TNFAIP8: variants seen among roughly 807,000 people sequenced by gnomAD.
TNFAIP8 encodes TNF alpha induced protein 8.
In TNFAIP8, 7 loss-of-function variants were observed where a neutral mutation model predicts 13.3. The observed-to-expected ratio is 0.52, with a 90% CI of 0.30 to 0.99. The LOEUF is 0.99. Ranked by LOEUF, TNFAIP8 falls within the 50% of genes least tolerant of loss-of-function variation. The pLI, the probability that TNFAIP8 is intolerant of heterozygous loss-of-function variation, is 0.07. For missense variants in TNFAIP8, 258 were observed against 236.9 expected (o/e 1.09, Z -0.58); for synonymous variants, 94 against 87.6 (o/e 1.07, Z -0.41).
At chr5:119,359,787 G>C (rs1350180914) in intron 1 of TNFAIP8, among the ~76,000 whole-genome samples, 2 of 152,230 alleles carry the variant, frequency 1.3e-5, no homozygotes, top group African/African-American at 4.8e-5. Context: ...GAGAAAAGGA[G>C]GTTAAAGCAG....
At chr5:119,385,312 C>G (rs750046605) in intron 1 of TNFAIP8, among the ~76,000 whole-genome samples, 4 of 152,204 alleles carry the variant, frequency 2.6e-5, no homozygotes, top group African/African-American at 9.6e-5. Context: ...TGTTGGATCT[C>G]TGGTTCTCTG....
At position 119,368,112 on chromosome 5, in the gene TNFAIP8, A is replaced by C. The variant is rs975052979; in HGVS notation, c.31+11991A>C. ...AAAGTAGCAAGTGTGTGCCAGGTAC[A>C]CTACATGACTTCTCTTCTTGAATCT... On this transcript the variant is annotated intron_variant, in intron 1 of 1. Transcript: ENST00000504771. Among the ~76,000 whole-genome samples, 4 of 152,206 alleles carry C rather than the reference A, an allele frequency of 2.6e-5. No homozygotes were observed. The East Asian group carries it at 7.7e-4, about 29-fold the overall frequency.
At chr5:119,324,152 A>G (rs985585252) in intron 1 of TNFAIP8, among the ~76,000 whole-genome samples, 2 of 151,602 alleles carry the variant, frequency 1.3e-5, no homozygotes, top group African/African-American at 2.4e-5. Context: ...GCCAGTGTCT[A>G]TAATCCCAGC....
intron 1 of TNFAIP8, among the ~76,000 whole-genome samples, chr5:119,330,543 T>C (rs1347262771): frequency 6.6e-6 from 1 of 152,092 alleles, no homozygotes; most frequent in Non-Finnish European, 1.5e-5. Flanking sequence ...TGGCCTCTCC[T>C]CTCAGCCCTG....
intron 1 of TNFAIP8, among the ~76,000 whole-genome samples, chr5:119,276,179 G>A (rs1204394538): frequency 6.6e-6 from 1 of 151,070 alleles, no homozygotes; most frequent in Admixed American, 6.6e-5. Context: ...GTGCAGTGGT[G>A]CAAACTTGGC....
intron 1 of TNFAIP8, among the ~76,000 whole-genome samples, chr5:119,275,302 C>T (rs1748406514): frequency 6.6e-6 from 1 of 152,178 alleles, no homozygotes; most frequent in South Asian, 2.1e-4. Context: ...ATTGGAGAGT[C>T]TGCCCAGTGT....
rs1265305984 is a variant in TNFAIP8 at position 119,398,911 on chromosome 5, G to T, written c.*5530G>T. 1 of 152,196 alleles carries T rather than the reference G, an allele frequency of 6.6e-6. No individual in the cohort carries two copies. The highest frequency in any genetic ancestry group is 6.5e-5 in the Admixed American group (1 of 15,280). The allele number at this position is 152,196 out of a possible 1,614,324, so 9.4% of individuals were successfully genotyped here. On this transcript the variant is annotated 3_prime_UTR_variant, in exon 2 of 2. Coordinates refer to ENST00000504771, the MANE Select transcript of TNFAIP8 (RefSeq NM_014350.4). ...GACCACTTAGCCATTTAAATGATTT[G>T]TCAGCATCTTTTGCTGCTCTCTTCT...
At chr5:119,299,337 C>T (rs1457746931) in intron 1 of TNFAIP8, among the ~76,000 whole-genome samples, 2 of 152,188 alleles carry the variant, frequency 1.3e-5, no homozygotes, top group African/African-American at 4.8e-5. Context: ...TCAGGACCCT[C>T]AGCTGCAGGT....
At chr5:119,273,364 T>G (rs1021359833) in intron 1 of TNFAIP8, among the ~76,000 whole-genome samples, 1 of 152,222 alleles carries the variant, frequency 6.6e-6, no homozygotes, top group Non-Finnish European at 1.5e-5. Flanking sequence ...TAGTAACTTG[T>G]GTCATATGTG....
At chr5:119,384,885 T>G (rs894281579) in intron 1 of TNFAIP8, among the ~76,000 whole-genome samples, 2 of 152,134 alleles carry the variant, frequency 1.3e-5, no homozygotes, top group Non-Finnish European at 2.9e-5. Flanking sequence ...GGGTCTGATA[T>G]GAAGTTAGAG....
chr5:119,295,235 ATAGGTCTAACGTTTAGTCT>A, intron 1 of TNFAIP8, among the ~76,000 whole-genome samples: 1 of 47,266 alleles, frequency 2.1e-5, no homozygotes, highest in Non-Finnish European at 3.8e-5. Flanking sequence ...CGTTAGACCT[ATAGGTCTAACGTTTAGTCT>A]AACGTTAGAC....
At chr5:119,278,721 C>T (rs1348757463) in intron 1 of TNFAIP8, among the ~76,000 whole-genome samples, 1 of 152,112 alleles carries the variant, frequency 6.6e-6, no homozygotes, top group Non-Finnish European at 1.5e-5. Context: ...ATTCCTGATA[C>T]TAATAATCCC....
intron 1 of TNFAIP8, among the ~76,000 whole-genome samples, chr5:119,368,454 T>C (rs957722416): frequency 9.4e-6 from 1 of 106,640 alleles, no homozygotes; most frequent in Non-Finnish European, 2.2e-5. Flanking sequence ...TGTGTGTGTG[T>C]GTGTGCGTGT....
At chr5:119,299,755 G>A (rs1749300518) in intron 1 of TNFAIP8, among the ~76,000 whole-genome samples, 1 of 152,200 alleles carries the variant, frequency 6.6e-6, no homozygotes, top group African/African-American at 2.4e-5. Flanking sequence ...GCTGTGGTGG[G>A]CTCCACCCAG....
chr5:119,353,265 A>G (rs1168960466), upstream of TNFAIP8, among the ~76,000 whole-genome samples: 1 of 152,244 alleles, frequency 6.6e-6, no homozygotes, highest in Non-Finnish European at 1.5e-5. Context: ...CACTGGGGCT[A>G]AGAAGTAAAT....
chr5:119,319,423 A>G (rs1411411635), intron 1 of TNFAIP8, among the ~76,000 whole-genome samples: 1 of 152,222 alleles, frequency 6.6e-6, no homozygotes, highest in Non-Finnish European at 1.5e-5. Flanking sequence ...ACTTGATTTA[A>G]TGAGAACATT....
At chr5:119,303,980 G>A (rs976528437) in intron 1 of TNFAIP8, among the ~76,000 whole-genome samples, 3 of 152,194 alleles carry the variant, frequency 2.0e-5, no homozygotes, top group African/African-American at 2.4e-5. Flanking sequence ...TGTCTTCTGA[G>A]TATAAATGGA....
chr5:119,298,761 G>C (rs1406094926), intron 1 of TNFAIP8, among the ~76,000 whole-genome samples: 6 of 151,836 alleles, frequency 4.0e-5, no homozygotes, highest in Admixed American at 2.6e-4. Context: ...ACATAGATTT[G>C]GTCTTTTCAC....
At chr5:119,269,712 A>G (rs904670512) in intron 1 of TNFAIP8, among the ~76,000 whole-genome samples, 5 of 152,226 alleles carry the variant, frequency 3.3e-5, no homozygotes, top group Non-Finnish European at 5.9e-5. Flanking sequence ...GGAAGGAATC[A>G]AACAGTAGTT....
Sources: allele counts gnomAD v4.1 joint callset (sites outside exome capture counted in the v4.1 genomes callset), GRCh38; gene constraint gnomAD v4.1.1; transcripts MANE v1.5; gene names NCBI Gene and HGNC (gene_info 2026-07-23, HGNC 2026-07-21).